DOP1B: variants seen among roughly 807,000 people sequenced by gnomAD.
DOP1B encodes the protein DOP1 leucine zipper like protein B.
In DOP1B, 174 loss-of-function variants were observed where a neutral mutation model predicts 233.5. That is an observed-to-expected ratio of 0.75 (90% CI 0.66 to 0.85). DOP1B has a LOEUF of 0.85. Ranked by LOEUF, DOP1B falls within the 40% of genes least tolerant of loss-of-function variation. The probability of loss-of-function intolerance (pLI) is 0.00; values close to 1 mark genes in which losing one functional copy is unlikely to be tolerated. For synonymous variants in DOP1B, 1,190 were observed against 1,185.6 expected (o/e 1.00, Z -0.08); for missense variants, 2,652 against 2,846.6 (o/e 0.93, Z 1.56).
At chr21:36,259,264 C>CTTTTTT (rs11411588) in intron 23 of DOP1B, among the ~76,000 whole-genome samples, 2 of 136,632 alleles carry the variant, frequency 1.5e-5, no homozygotes, top group Non-Finnish European at 3.1e-5. Flanking sequence ...TGCGCCCGGG[C>CTTTTTT]TTTTTTTTTT....
rs896421108 is a variant in DOP1B, at chr21:36,258,250, GA to G, written c.5260-2417del. ...CAAAGTAAAACCTTGACTCTAAAAA[GA>G]AAAAAAAAATTAGCCAGGCATGGTA... On this transcript the variant is annotated intron_variant, in intron 23 of 36. Coordinates refer to ENST00000691173, the MANE Select transcript of DOP1B (RefSeq NM_001320714.2). Among the ~76,000 whole-genome samples the G allele has an allele frequency of 1.0e-4, 15 of 149,824 alleles. No individual in the cohort carries two copies. The South Asian group carries it at 1.7e-3, about 17-fold the overall frequency.
At chr21:36,180,282 C>G (rs1313286211) in intron 2 of DOP1B, among the ~76,000 whole-genome samples, 1 of 152,136 alleles carries the variant, frequency 6.6e-6, no homozygotes, top group Non-Finnish European at 1.5e-5. Flanking sequence ...AAAATGTACT[C>G]ACTTTGCTGG....
intron 26 of DOP1B, among the ~76,000 whole-genome samples, chr21:36,269,212 A>G (rs758817556): frequency 6.6e-6 from 1 of 151,716 alleles, no homozygotes; most frequent in African/African-American, 2.4e-5. Context: ...CTGGAGTGCA[A>G]TGGCATGATC....
chr21:36,239,951 G>A lies in DOP1B; in HGVS notation c.3063G>A (p.Ser1021=), dbSNP rs763741932. 5.6e-5 allele frequency: 90 copies of A among 1,608,514 alleles called. No homozygotes were observed. The highest frequency in any genetic ancestry group is 7.0e-5 in the Non-Finnish European group (82 of 1,178,586). Residue 1021 remains serine (S), a synonymous_variant, in exon 18 of 37, where the codon TCG becomes TCA. Transcript: ENST00000691173. ...TCCACTGCCTCAAGCAGGAGAACTC[G>A]GCCGGTGAGCAGCCTGCACAGGACC... ...TSIHCLKQEN[S]ADDLHRWFNR... is the part of the protein sequence containing the mutation.
At chr21:36,285,386 G>A (rs187790038) in intron 32 of DOP1B, among the ~76,000 whole-genome samples, 1 of 152,104 alleles carries the variant, frequency 6.6e-6, no homozygotes, top group Admixed American at 6.5e-5. Context: ...AAATAAATAC[G>A]CTTCGTTTTG....
rs758203473 is a variant in DOP1B at position 36,239,888 on chromosome 21, CCTG to C, written c.3011_3013del (p.Leu1004del). The C allele has an allele frequency of 1.2e-6, 2 of 1,607,194 alleles. No homozygotes were observed. Among genetic ancestry groups the C allele is most frequent in the South Asian group, 1.1e-5 (1 of 90,254 alleles). On this transcript the variant is annotated inframe_deletion, in exon 18 of 37. Transcript: ENST00000691173. Reference sequence around the variant, plus strand: ...TGGCTCGCATCCTCGAACCCGTGCTCCTGCTGCTGCTGCAGCCAAAAACCCAGA... The same window carrying C: ...TGGCTCGCATCCTCGAACCCGTGCTCCTGCTGCTGCAGCCAAAAACCCAGA...
At chr21:36,180,580 A>G (rs2066086061) in intron 2 of DOP1B, among the ~76,000 whole-genome samples, 1 of 98,320 alleles carries the variant, frequency 1.0e-5, no homozygotes, top group African/African-American at 4.7e-5. Flanking sequence ...CTCGGTCTCA[A>G]AAAAAGAAAA....
Position 36,246,285 on chromosome 21 carries a change from C to A in DOP1B, c.4305C>A (p.His1435Gln). 2 of 1,613,978 alleles carry A rather than the reference C, an allele frequency of 1.2e-6. No homozygotes were observed. The highest frequency in any genetic ancestry group is 1.6e-4 in the Middle Eastern group (1 of 6,062). ...GTCAGGACCAGATCTGGAGTGAGCA[C>A]CCGCTGCAGATTGAGCTGCTGAAGC... ...NLGQDQIWSE[H>Q]PLQIELLKLL... Residue 1435 changes from histidine to glutamine, a missense_variant, in exon 19 of 37, where the codon CAC (histidine) becomes CAA (glutamine). His to Gln is a conservative substitution (Grantham distance 24). Coordinates refer to ENST00000691173, the MANE Select transcript of DOP1B (RefSeq NM_001320714.2). The surrounding 1 kb of genome is among the most constrained non-coding windows in gnomAD (Gnocchi z 5.1).
intron 10 of DOP1B, among the ~76,000 whole-genome samples, chr21:36,222,033 G>C (rs2066629832): frequency 6.6e-6 from 1 of 152,060 alleles, no homozygotes; most frequent in East Asian, 1.9e-4. Flanking sequence ...TATCATATCT[G>C]GCTAATTTTT....
chr21:36,251,229 C>A lies in DOP1B; in HGVS notation c.5066C>A (p.Ala1689Glu). The change falls in exon 22 of 37, where the codon GCG becomes GAG. Residue 1689 changes from alanine to glutamate, a missense_variant. This residue lies in a region of DOP1B where 2,617 missense variants were observed against 2,794.3 expected (regional missense o/e 0.94). Coordinates refer to ENST00000691173, the MANE Select transcript of DOP1B (RefSeq NM_001320714.2). The stretch of plus-strand genomic sequence containing the variant: ...GCCCATCTTGGGGTTCAGTTGACAG[C>A]GGCTGTTGCGGCAGTGTGGAGCAGA... ...LTAHLGVQLTAAVAAVWSRKK... is the reference protein window; with the variant it reads ...LTAHLGVQLTEAVAAVWSRKK... The A allele has an allele frequency of 6.2e-7, 1 of 1,613,962 alleles. No homozygotes were observed. Among genetic ancestry groups the A allele is most frequent in the South Asian group, 1.1e-5 (1 of 91,072 alleles).
At chr21:36,263,503 C>T (rs1423498934) in intron 24 of DOP1B, 43 bp from the exon 25 acceptor site, 16 of 1,529,554 alleles carry the variant, frequency 1.0e-5, no homozygotes, top group Non-Finnish European at 1.4e-5. Context: ...TGTATTTTGA[C>T]TTGTTCGTGG....
intron 4 of DOP1B, among the ~76,000 whole-genome samples, chr21:36,207,568 C>T (rs1047833532): frequency 6.7e-6 from 1 of 148,426 alleles, no homozygotes; most frequent in Non-Finnish European, 1.5e-5. Context: ...GGTCGAGGCT[C>T]CTTCCCCTGT....
At chr21:36,160,262 G>T (rs1461617096) in intron 1 of DOP1B, among the ~76,000 whole-genome samples, 1 of 152,062 alleles carries the variant, frequency 6.6e-6, no homozygotes, top group Non-Finnish European at 1.5e-5. Context: ...TGTGAAGGCA[G>T]TTATTTCAGA....
At chr21:36,229,249 C>T (rs969944914) in intron 13 of DOP1B, among the ~76,000 whole-genome samples, 1 of 152,160 alleles carries the variant, frequency 6.6e-6, no homozygotes, top group South Asian at 2.1e-4. Context: ...CACTTGTTTT[C>T]TCATGGTTTT....
intron 24 of DOP1B, chr21:36,261,708 G>T: frequency 2.1e-6 from 2 of 934,266 alleles, no homozygotes; most frequent in Non-Finnish European, 1.3e-6. Context: ...AGGAGTTTGA[G>T]ACCAGCCTGG....
intron 35 of DOP1B, among the ~76,000 whole-genome samples, chr21:36,290,247 G>A (rs1395800105): frequency 1.3e-5 from 2 of 152,212 alleles, no homozygotes; most frequent in Admixed American, 6.5e-5. Flanking sequence ...GGTTTGGGCC[G>A]GACGTGGTGT....
chr21:36,245,619 G>C lies in DOP1B; in HGVS notation c.3639G>C (p.Gln1213His). Residue 1213 changes from glutamine (Q) to histidine (H), a missense_variant, in exon 19 of 37, where the codon CAG (glutamine) becomes CAC (histidine). Coordinates refer to ENST00000691173, the MANE Select transcript of DOP1B (RefSeq NM_001320714.2). The surrounding 1 kb of genome is among the most constrained non-coding windows in gnomAD (Gnocchi z 5.5). ...QALTTSRLLK[Q>H]QRERQEAVEA... ...TCACCACATCCAGGCTGCTAAAGCA[G>C]CAGCGGGAAAGGCAGGAGGCCGTCG... is the stretch of plus-strand genomic sequence containing the variant. 1 of 1,613,472 alleles carries C rather than the reference G, an allele frequency of 6.2e-7. No individual in the cohort carries two copies. The highest frequency in any genetic ancestry group is 8.5e-7 in the Non-Finnish European group (1 of 1,179,926).
In DOP1B at chr21:36,290,379, G is replaced by C. The variant is rs555377721; in HGVS notation, c.6515+1173G>C. Among the ~76,000 whole-genome samples the C allele has an allele frequency of 2.2e-4, 33 of 152,250 alleles. 1 individual carries two copies. The highest frequency in any genetic ancestry group is 1.0e-3 in the Admixed American group (16 of 15,280). On this transcript the variant is annotated intron_variant, in intron 35 of 36. Transcript: ENST00000691173. The stretch of plus-strand genomic sequence containing the variant: ...GTCTCAACTAAAAACACAAAAATTA[G>C]GCCAGGTACCGTGGCTCACACCTGT...
chr21:36,291,975 TATA>T, intron 35 of DOP1B, 126 bp from the exon 36 acceptor site: 2 of 1,097,530 alleles, frequency 1.8e-6, no homozygotes, highest in South Asian at 1.9e-5. Flanking sequence ...ACTCTATGAA[TATA>T]ATAAAAGGCA....
Sources: gnomAD v4.1 joint callset for allele counts (sites outside exome capture counted in the v4.1 genomes callset) on GRCh38, gnomAD v4.1.1 for gene constraint, gnomAD v4.1.1 regional missense constraint, Gnocchi (gnomAD v3.1) non-coding constraint, MANE v1.5 for transcripts, NCBI Gene and HGNC (gene_info 2026-07-23, HGNC 2026-07-21) for gene names.